ZNF701: variants seen among roughly 807,000 people sequenced by gnomAD.
ZNF701 encodes the protein zinc finger protein 701.
In ZNF701, 6 loss-of-function variants were observed where a neutral mutation model predicts 7.1. The observed-to-expected ratio is 0.84, with a 90% CI of 0.46 to 1.66. The LOEUF is 1.66. ZNF701 is among the 40% of genes most tolerant of loss of function. The pLI, the probability that ZNF701 is intolerant of heterozygous loss-of-function variation, is 0.01. For missense variants in ZNF701, 541 were observed against 559.2 expected (o/e 0.97, Z 0.33); for synonymous variants, 166 against 188.2 (o/e 0.88, Z 0.97).
At chr19:52,572,699 C>G (rs1326456484) in intron 1 of ZNF701, 1 of 344,628 alleles carries the variant, frequency 2.9e-6, no homozygotes, top group Non-Finnish European at 5.6e-6. Context: ...GGCAGGGAAC[C>G]CTCCATGGGC....
chr19:52,590,960 C>G (rs2060034490), downstream of ZNF701, among the ~76,000 whole-genome samples: 1 of 152,026 alleles, frequency 6.6e-6, no homozygotes, highest in African/African-American at 2.4e-5. Context: ...CTGCCTCGCC[C>G]TGCTGAGTAG....
the ZNF701 span, among the ~76,000 whole-genome samples, chr19:52,595,207 G>A: frequency 5.3e-5 from 8 of 151,448 alleles, no homozygotes; most frequent in South Asian, 1.0e-3. Context: ...CTTTTGGGAC[G>A]TTTAAAATAA....
intron 2 of ZNF701, among the ~76,000 whole-genome samples, chr19:52,574,807 G>C (rs990516025): frequency 1.3e-5 from 2 of 152,142 alleles, no homozygotes; most frequent in Admixed American, 1.3e-4. Context: ...GGAGACAGTG[G>C]TGTTACTGTG....
chr19:52,595,931 A>G, the ZNF701 span: 2 of 1,612,664 alleles, frequency 1.2e-6, no homozygotes, highest in Middle Eastern at 1.7e-4. Context: ...TGAACTCCAC[A>G]TGTTTCAGAC....
At chr19:52,576,091 T>G in intron 3 of ZNF701, 70 bp downstream of exon 3, 2 of 1,607,950 alleles carry the variant, frequency 1.2e-6, no homozygotes, top group Non-Finnish European at 8.5e-7. Context: ...TTGTTGCCTC[T>G]TGGGAGCCAC....
In ZNF701 at chr19:52,582,873, T is replaced by TAA; in HGVS notation, c.814_815insAA (p.Cys272Ter). The TAA allele has an allele frequency of 6.2e-7, 1 of 1,613,178 alleles. No individual in the cohort carries two copies. The highest frequency in any genetic ancestry group is 1.3e-5 in the African/African-American group (1 of 75,038). Residue 272 changes from cysteine to a stop codon, truncating the protein, a stop_gained and frameshift_variant, in exon 4 of 4, where the codon TGT becomes TAAGT. Coordinates refer to ENST00000391785, the MANE Select transcript of ZNF701 (RefSeq NM_018260.3). LOFTEE classifies it low-confidence loss of function (END_TRUNC). ...TCACACTGGTGAGAATCCTTACACG[T>TAA]GTAATGAGTGTGGCAAGACATTCAG... ...RCHTGENPYT[C>*]NECGKTFSHN...
intron 2 of ZNF701, among the ~76,000 whole-genome samples, chr19:52,574,413 G>A (rs896308485): frequency 2.6e-5 from 4 of 152,144 alleles, no homozygotes; most frequent in Admixed American, 6.6e-5. Flanking sequence ...ATGGAGATGG[G>A]GTGAGGGTCC....
At chr19:52,573,267 T>A (rs1251998445) in intron 1 of ZNF701, 1 of 153,108 alleles carries the variant, frequency 6.5e-6, no homozygotes, top group Non-Finnish European at 1.5e-5. Flanking sequence ...TATTTTTGAG[T>A]CTTACTCTGT....
At chr19:52,593,762 GT>G in the ZNF701 span, among the ~76,000 whole-genome samples, 4 of 114,058 alleles carry the variant, frequency 3.5e-5, no homozygotes, top group Non-Finnish European at 7.6e-5. Context: ...CCCAGACGGG[GT>G]GGCAGGGCAG....
chr19:52,573,806 C>T (rs535606608), intron 1 of ZNF701, among the ~76,000 whole-genome samples: 11 of 152,308 alleles, frequency 7.2e-5, no homozygotes, highest in South Asian at 2.1e-4. Flanking sequence ...CATGAGCCAC[C>T]GCACCGAGCC....
chr19:52,575,861 A>G (rs1397961815), intron 2 of ZNF701, 34 bp from the exon 3 acceptor site: 7 of 1,337,514 alleles, frequency 5.2e-6, no homozygotes, highest in Non-Finnish European at 7.0e-6. Context: ...ATCTCCTCCC[A>G]TAACCATTTG....
Position 52,585,421 on chromosome 19 carries a change from C to T in ZNF701, c.*1964C>T, listed in dbSNP as rs1326577626. 2 of 152,268 alleles carry T rather than the reference C, an allele frequency of 1.3e-5. No individual in the cohort carries two copies. The highest frequency in any genetic ancestry group is 2.9e-5 in the Non-Finnish European group (2 of 68,094). The allele number at this position is 152,268 out of a possible 1,614,324, so 9.4% of individuals were successfully genotyped here. A position where few individuals can be genotyped will look rare whatever the true frequency, so the allele number is the denominator to read the frequency against. ...CTCCTCGTGCCGGCCCTGCTTCTCC[C>T]CAGTTCCAACCCCAGGAAAACGTGC... is the stretch of plus-strand genomic sequence containing the variant. On this transcript the variant is annotated 3_prime_UTR_variant, in exon 4 of 4. Transcript: ENST00000391785.
chr19:52,595,889 C>G, the ZNF701 span: 1 of 1,613,128 alleles, frequency 6.2e-7, no homozygotes, highest in Admixed American at 1.7e-5. Flanking sequence ...TATTAAAGAT[C>G]AGCTTGGATC....
chr19:52,593,525 C>G, the ZNF701 span, among the ~76,000 whole-genome samples: 2 of 113,368 alleles, frequency 1.8e-5, no homozygotes, highest in Non-Finnish European at 3.8e-5. Flanking sequence ...GGTGGCTGGC[C>G]GGGCGGGGGG....
At chr19:52,597,779 A>G in the ZNF701 span, 1 of 197,186 alleles carries the variant, frequency 5.1e-6, no homozygotes, top group Non-Finnish European at 1.1e-5. Flanking sequence ...CAAGGTCTGG[A>G]AGTGGTGTTT....
At position 52,583,018 on chromosome 19, in the gene ZNF701, A is replaced by T. The variant is rs756923278; in HGVS notation, c.959A>T (p.His320Leu). 3 of 1,614,030 alleles carry T rather than the reference A, an allele frequency of 1.9e-6. No individual in the cohort carries two copies. The highest frequency in any genetic ancestry group is 2.5e-6 in the Non-Finnish European group (3 of 1,179,994). ...QSNLARHHRV[H>L]TGEKPYKCEE... The stretch of plus-strand genomic sequence containing the variant: ...AACCTTGCACGTCATCATAGAGTTC[A>T]TACTGGAGAGAAACCTTACAAATGT... Residue 320 changes from histidine (H) to leucine (L), a missense_variant, in exon 4 of 4, where the codon CAT (histidine) becomes CTT (leucine). Transcript: ENST00000391785.
intron 3 of ZNF701, among the ~76,000 whole-genome samples, chr19:52,578,902 C>T (rs892209124): frequency 9.9e-4 from 151 of 152,004 alleles, no homozygotes; most frequent in African/African-American, 3.1e-3. Flanking sequence ...GGACTACAGG[C>T]TCCCGCCACC....
chr19:52,583,596 A>G lies in ZNF701; in HGVS notation c.*139A>G. The G allele has an allele frequency of 1.4e-6, 2 of 1,403,296 alleles. No homozygotes were observed. Among genetic ancestry groups the G allele is most frequent in the Admixed American group, 1.7e-5 (1 of 59,168 alleles). The allele number at this position is 1,403,296 out of a possible 1,614,324, so 86.9% of individuals were successfully genotyped here. On this transcript the variant is annotated 3_prime_UTR_variant, in exon 4 of 4. Transcript: ENST00000391785. Reference sequence around the variant, plus strand: ...CAAATCACTCCTTGAAATACATAGGAGAGTTCATACTGGAGAGAAACCATA... The same window carrying G: ...CAAATCACTCCTTGAAATACATAGGGGAGTTCATACTGGAGAGAAACCATA...
At chr19:52,581,238 G>A (rs1328411801) in intron 3 of ZNF701, among the ~76,000 whole-genome samples, 2 of 152,188 alleles carry the variant, frequency 1.3e-5, no homozygotes, top group African/African-American at 4.8e-5. Flanking sequence ...TTTTCTTTTT[G>A]AGAGGTAGTC....
Sources: gnomAD v4.1 joint callset for allele counts (sites outside exome capture counted in the v4.1 genomes callset) on GRCh38, gnomAD v4.1.1 for gene constraint, MANE v1.5 for transcripts, NCBI Gene and HGNC (gene_info 2026-07-23, HGNC 2026-07-21) for gene names.